The following GNPAT variants were observed in gnomAD, a reference collection of about 807,000 sequenced individuals.
The protein encoded by GNPAT is glyceronephosphate O-acyltransferase, also known as dihydroxyacetone phosphate acyltransferase.
A neutral mutation model predicts 78.4 loss-of-function variants in GNPAT; 30 were observed. The ratio of observed to expected loss-of-function variants is 0.38; its 90% CI spans 0.29 to 0.52. The LOEUF is 0.52. GNPAT is among the 20% of genes least tolerant of loss of function. The pLI, the probability that GNPAT is intolerant of heterozygous loss-of-function variation, is 0.84. For synonymous variants in GNPAT, 271 were observed against 281.1 expected (o/e 0.96, Z 0.36); for missense variants, 714 against 812.2 (o/e 0.88, Z 1.47).
chr1:231,258,741 C>T (rs1215372075), intron 2 of GNPAT, among the ~76,000 whole-genome samples: 1 of 144,930 alleles, frequency 6.9e-6, no homozygotes, highest in Admixed American at 7.3e-5. Context: ...CATCATTCTC[C>T]TGCCTCAGCC....
rs1396964104 is a variant in GNPAT at position 231,260,510 on chromosome 1, T to C, written c.265T>C (p.Ser89Pro). The C allele has an allele frequency of 6.2e-7, 1 of 1,605,024 alleles. No homozygotes were observed. The highest frequency in any genetic ancestry group is 8.5e-7 in the Non-Finnish European group (1 of 1,171,872). ...EEIHYVIKQLSKESLQSVDVL... is the reference protein window; with the variant it reads ...EEIHYVIKQLPKESLQSVDVL... Reference sequence around the variant, plus strand: ...CCTGCTTTTCCTTTCCTTTTAGCTTTCCAAGGAATCCCTTCAATCTGTGGA... The same window carrying C: ...CCTGCTTTTCCTTTCCTTTTAGCTTCCCAAGGAATCCCTTCAATCTGTGGA... The change falls in exon 3 of 16, where the codon TCC becomes CCC. Residue 89 changes from serine (S) to proline (P), a missense_variant. Transcript: ENST00000366647.
chr1:231,260,461 C>G (rs753695197), intron 2 of GNPAT, 46 bp from the exon 3 acceptor site: 1 of 1,350,844 alleles, frequency 7.4e-7, no homozygotes, highest in Non-Finnish European at 1.1e-6. Context: ...TCTGACTTTT[C>G]TGTTATTGTT....
chr1:231,265,833 C>A, intron 6 of GNPAT, 46 bp downstream of exon 6: 1 of 1,195,628 alleles, frequency 8.4e-7, no homozygotes, highest in Non-Finnish European at 1.3e-6. Context: ...CCAAAGACAT[C>A]AGCTGCTACA....
chr1:231,246,973 T>C (rs1206923038), intron 1 of GNPAT, among the ~76,000 whole-genome samples: 2 of 152,066 alleles, frequency 1.3e-5, no homozygotes, highest in Non-Finnish European at 2.9e-5. Flanking sequence ...ATCCAGACCA[T>C]CCTGGCTAAC....
At chr1:231,271,022 T>C in intron 10 of GNPAT, 22 bp downstream of exon 10, 4 of 1,613,652 alleles carry the variant, frequency 2.5e-6, no homozygotes, top group Non-Finnish European at 3.4e-6. Context: ...GAATGCAATC[T>C]TGACTTTTAG....
intron 2 of GNPAT, among the ~76,000 whole-genome samples, chr1:231,256,479 CTTTTTTTTTTTTTT>C (rs10693276): frequency 1.3e-4 from 10 of 75,904 alleles, no homozygotes; most frequent in African/African-American, 5.6e-4. Context: ...CTAATTTTCT[CTTTTTTTTTTTTTT>C]TTTTTTTTTT....
At chr1:231,261,500 G>A (rs1450573041) in intron 3 of GNPAT, among the ~76,000 whole-genome samples, 1 of 151,592 alleles carries the variant, frequency 6.6e-6, no homozygotes, top group Non-Finnish European at 1.5e-5. Context: ...GGTGCCTGTC[G>A]GTTTCATTAC....
In GNPAT at chr1:231,244,070, G is replaced by A. The variant is rs577473811; in HGVS notation, c.78+2614G>A. On this transcript the variant is annotated intron_variant, in intron 1 of 15. Coordinates refer to ENST00000366647, the MANE Select transcript of GNPAT (RefSeq NM_014236.4). Reference sequence around the variant, plus strand: ...ATTACAGTTGCCTGCCACCACACCCGGCTAATTTTTGTATTTTTAGTAGAG... The same window carrying A: ...ATTACAGTTGCCTGCCACCACACCCAGCTAATTTTTGTATTTTTAGTAGAG... Among the ~76,000 whole-genome samples, 56 of 152,078 alleles carry A rather than the reference G, an allele frequency of 3.7e-4. No individual in the cohort carries two copies. In the Middle Eastern group the frequency reaches 0.01, roughly 28 times the overall value.
intron 1 of GNPAT, among the ~76,000 whole-genome samples, chr1:231,243,280 A>C (rs560200704): frequency 6.6e-6 from 1 of 152,322 alleles, no homozygotes; most frequent in South Asian, 2.1e-4. Flanking sequence ...GAAGGTTTCT[A>C]AGAAAAGGTG....
intron 4 of GNPAT, among the ~76,000 whole-genome samples, chr1:231,264,428 T>G (rs1685316624): frequency 6.6e-6 from 1 of 152,218 alleles, no homozygotes. Context: ...GTAAGATCGA[T>G]TCCTAAAAGT....
rs116631499 is a variant in GNPAT at position 231,276,511 on chromosome 1, C to T, written c.1999+315C>T. ...CCTCAGAGAGAGTACCTCATCTCCA[C>T]TCTTTGTTTGATGCTCTCACTGTCT... On this transcript the variant is annotated intron_variant, in intron 15 of 15. Transcript: ENST00000366647. Among the ~76,000 whole-genome samples the T allele has an allele frequency of 8.2e-3, 1,251 of 152,334 alleles. 12 individuals carry two copies. Among genetic ancestry groups the T allele is most frequent in the Non-Finnish European group, 0.012 (784 of 68,024 alleles).
At chr1:231,271,970 A>G (rs567264) in intron 10 of GNPAT, among the ~76,000 whole-genome samples, 87,697 of 152,002 alleles carry the variant, frequency 0.58, 25,647 homozygotes, top group African/African-American at 0.65. Context: ...CATGGCGGCG[A>G]GTGCCTGTAA....
chr1:231,259,647 CA>C (rs11446278), intron 2 of GNPAT, among the ~76,000 whole-genome samples: 137 of 117,590 alleles, frequency 1.2e-3, no homozygotes, highest in Admixed American at 1.7e-3. Context: ...AACTCCGTCT[CA>C]AAAAAAAAAA....
intron 2 of GNPAT, among the ~76,000 whole-genome samples, chr1:231,258,606 T>G (rs1033657249): frequency 6.6e-6 from 1 of 151,452 alleles, no homozygotes; most frequent in Non-Finnish European, 1.5e-5. Flanking sequence ...TTTTATGTTA[T>G]GTGTATTTTA....
Position 231,241,277 on chromosome 1 carries a change from A to C in GNPAT, c.-102A>C. 7.1e-7 allele frequency: 1 copy of C among 1,407,940 alleles called. No homozygotes were observed. The highest frequency in any genetic ancestry group is 1.0e-6 in the Non-Finnish European group (1 of 992,580). 87.2% of individuals were successfully genotyped at this position (1,407,940 alleles called of 1,614,324 possible). Reference sequence around the variant, plus strand: ...CGGCTGCAGAGGGTGCCGCCGCCCTAGGCGAAGTAGGGCCGTCCTGAGCGA... The same window carrying C: ...CGGCTGCAGAGGGTGCCGCCGCCCTCGGCGAAGTAGGGCCGTCCTGAGCGA... On this transcript the variant is annotated 5_prime_UTR_variant, in exon 1 of 16. Transcript: ENST00000366647.
At chr1:231,256,759 T>G (rs1685079892) in intron 2 of GNPAT, among the ~76,000 whole-genome samples, 1 of 152,218 alleles carries the variant, frequency 6.6e-6, no homozygotes, top group Non-Finnish European at 1.5e-5. Flanking sequence ...GTGCTGGGAT[T>G]ACAGGCGTGA....
At chr1:231,255,266 T>G (rs1224580338) in intron 2 of GNPAT, among the ~76,000 whole-genome samples, 1 of 152,108 alleles carries the variant, frequency 6.6e-6, no homozygotes, top group Non-Finnish European at 1.5e-5. Flanking sequence ...CCCTTCTTAT[T>G]TCTTCAACTA....
chr1:231,245,961 C>T (rs918957020), intron 1 of GNPAT, among the ~76,000 whole-genome samples: 3 of 151,686 alleles, frequency 2.0e-5, no homozygotes, highest in Non-Finnish European at 4.4e-5. Flanking sequence ...AAGAGTGAAA[C>T]TCTGTCTCAA....
intron 2 of GNPAT, among the ~76,000 whole-genome samples, chr1:231,257,447 A>G (rs935333360): frequency 2.6e-5 from 4 of 152,096 alleles, no homozygotes; most frequent in African/African-American, 9.7e-5. Flanking sequence ...GGGCCCCTTC[A>G]TCTCCACGTT....
Sources: allele counts gnomAD v4.1 joint callset (sites outside exome capture counted in the v4.1 genomes callset), GRCh38; gene constraint gnomAD v4.1.1; transcripts MANE v1.5; gene names NCBI Gene and HGNC (gene_info 2026-07-23, HGNC 2026-07-21).